SHANK2: variants seen among roughly 807,000 people sequenced by gnomAD.
The protein encoded by SHANK2 is SH3 and multiple ankyrin repeat domains 2.
Under a neutral mutation model 133.7 loss-of-function variants are expected in SHANK2, and 43 were observed. The observed-to-expected ratio is 0.32, with a 90% CI of 0.25 to 0.41. The LOEUF (loss-of-function observed/expected upper bound fraction) is 0.41. Ranked by LOEUF, SHANK2 falls within the 10% of genes least tolerant of loss-of-function variation. The pLI, the probability that SHANK2 is intolerant of heterozygous loss-of-function variation, is 1.00. For missense variants in SHANK2, 1,994 were observed against 2,235.8 expected (o/e 0.89, Z 2.18); for synonymous variants, 1,017 against 952.8 (o/e 1.07, Z -1.24).
At position 70,470,345 on chromosome 11, in the gene SHANK2, T is replaced by A. The variant is rs1402066464; in HGVS notation, c.*2524A>T. Reference sequence around the variant, plus strand: ...GGTTAGTGGCATGTGGCTTGGAGTATCTTTAAGAAAGGGAATAACATCTGG... The same window carrying A: ...GGTTAGTGGCATGTGGCTTGGAGTAACTTTAAGAAAGGGAATAACATCTGG... On this transcript the variant is annotated 3_prime_UTR_variant, in exon 26 of 26. Coordinates refer to ENST00000601538, the MANE Select transcript of SHANK2 (RefSeq NM_012309.5). 6.6e-6 allele frequency: 1 copy of A among 152,258 alleles called. No homozygotes were observed. The highest frequency in any genetic ancestry group is 1.9e-4 in the East Asian group (1 of 5,204). 9.4% of individuals were successfully genotyped at this position (152,258 alleles called of 1,614,324 possible).
chr11:71,141,829 C>T (rs1952559356), intron 3 of SHANK2, among the ~76,000 whole-genome samples: 1 of 151,996 alleles, frequency 6.6e-6, no homozygotes, highest in East Asian at 1.9e-4. Context: ...ATGCACTATG[C>T]GAACCAACAG....
chr11:70,917,337 G>A (rs1424339405), intron 10 of SHANK2, among the ~76,000 whole-genome samples: 1 of 152,100 alleles, frequency 6.6e-6, no homozygotes, highest in Non-Finnish European at 1.5e-5. Context: ...AGTCAGAATG[G>A]CTATTATTAA....
At chr11:71,078,990 T>C (rs1401992150) in intron 8 of SHANK2, among the ~76,000 whole-genome samples, 1 of 152,218 alleles carries the variant, frequency 6.6e-6, no homozygotes, top group Non-Finnish European at 1.5e-5. Context: ...AGAGCCCTCC[T>C]GGGCTAAGCC....
chr11:70,485,176 G>T lies in SHANK2; in HGVS notation c.4979+138C>A. On this transcript the variant is annotated intron_variant, in intron 25 of 25. Coordinates refer to ENST00000601538, the MANE Select transcript of SHANK2 (RefSeq NM_012309.5). The surrounding 1 kb of genome is among the most constrained non-coding windows in gnomAD (Gnocchi z 5.8). ...GAGCATGAGAAAAAGAAGTGTTACT[G>T]CATTAACAGACGTGGCCCACACAGG... The T allele has an allele frequency of 2.8e-6, 2 of 708,244 alleles. No individual in the cohort carries two copies. Among genetic ancestry groups the T allele is most frequent in the Non-Finnish European group, 5.0e-6 (2 of 402,140 alleles). The allele number at this position is 708,244 out of a possible 1,614,324, so 43.9% of individuals were successfully genotyped here.
intron 17 of SHANK2, among the ~76,000 whole-genome samples, chr11:70,608,658 T>C (rs1186989682): frequency 6.6e-6 from 1 of 152,194 alleles, no homozygotes; most frequent in African/African-American, 2.4e-5. Context: ...GGAGCGCTGC[T>C]TCCTCAGGGC....
chr11:70,564,489 A>G (rs1554981488), intron 17 of SHANK2, among the ~76,000 whole-genome samples: 1 of 151,856 alleles, frequency 6.6e-6, no homozygotes, highest in East Asian at 1.9e-4. Flanking sequence ...CGAACTCCTG[A>G]CCTCAACTGA....
intron 25 of SHANK2, chr11:70,474,326 A>G (rs1555149642): frequency 6.6e-6 from 1 of 152,252 alleles, no homozygotes; most frequent in African/African-American, 2.4e-5. Context: ...GGCGTCCCCG[A>G]GGGTCCCCTG....
chr11:70,650,659 A>T (rs2061329386), intron 17 of SHANK2, among the ~76,000 whole-genome samples: 1 of 152,082 alleles, frequency 6.6e-6, no homozygotes, highest in African/African-American at 2.4e-5. Flanking sequence ...CCCCAAATCC[A>T]CCTTGAACAT....
At chr11:70,758,830 G>A (rs531098222) in intron 14 of SHANK2, among the ~76,000 whole-genome samples, 1 of 152,166 alleles carries the variant, frequency 6.6e-6, no homozygotes, top group Admixed American at 6.5e-5. Context: ...CTAAGCCCCC[G>A]ACTGACTGGA....
intron 15 of SHANK2, among the ~76,000 whole-genome samples, chr11:70,679,337 C>T (rs942573034): frequency 6.6e-6 from 1 of 152,242 alleles, no homozygotes; most frequent in Non-Finnish European, 1.5e-5. Context: ...ATCCAACCCC[C>T]GAGGCCAACT....
At chr11:71,229,009 T>G (rs185168010) in intron 1 of SHANK2, among the ~76,000 whole-genome samples, 1 of 152,122 alleles carries the variant, frequency 6.6e-6, no homozygotes, top group African/African-American at 2.4e-5. Flanking sequence ...TATCAATCAA[T>G]GCAGAAAAAG....
At chr11:70,856,457 G>A (rs1401043465) in intron 11 of SHANK2, among the ~76,000 whole-genome samples, 1 of 151,456 alleles carries the variant, frequency 6.6e-6, no homozygotes, top group African/African-American at 2.4e-5. Flanking sequence ...TATTTGGATG[G>A]ATGAATGGGT....
chr11:70,859,909 C>T (rs1486733154), intron 11 of SHANK2, among the ~76,000 whole-genome samples: 1 of 152,156 alleles, frequency 6.6e-6, no homozygotes, highest in African/African-American at 2.4e-5. Context: ...AACCATGACC[C>T]GGGGTCCAGC....
chr11:70,851,730 A>G (rs1440262722), intron 11 of SHANK2, among the ~76,000 whole-genome samples: 2 of 152,206 alleles, frequency 1.3e-5, no homozygotes, highest in Admixed American at 6.5e-5. Context: ...TCTCACCATG[A>G]CTATTAGAGG....
At chr11:70,842,376 G>A (rs990490681) in intron 11 of SHANK2, among the ~76,000 whole-genome samples, 1 of 152,178 alleles carries the variant, frequency 6.6e-6, no homozygotes, top group Non-Finnish European at 1.5e-5. Flanking sequence ...AGGTGGTCAA[G>A]CTATGAGTCA....
intron 17 of SHANK2, among the ~76,000 whole-genome samples, chr11:70,653,929 CGGCCTTA>C (rs782667197): frequency 7.0e-4 from 107 of 152,328 alleles, no homozygotes; most frequent in Non-Finnish European, 1.1e-3. Flanking sequence ...CCACCACACC[CGGCCTTA>C]TGAGATACTC....
chr11:70,889,957 TG>T (rs1949814506), intron 11 of SHANK2, among the ~76,000 whole-genome samples: 1 of 152,128 alleles, frequency 6.6e-6, no homozygotes, highest in South Asian at 2.1e-4. Context: ...GCAACGTGTG[TG>T]GAAAAGCCTG....
intron 1 of SHANK2, among the ~76,000 whole-genome samples, chr11:71,251,310 GCGCTGCACCCCCA>G (rs1474405132): frequency 6.6e-6 from 1 of 152,170 alleles, no homozygotes; most frequent in Non-Finnish European, 1.5e-5. Context: ...GGAGGGCGCC[GCGCTGCACCCCCA>G]CGCCAAGCCC....
chr11:70,745,765 C>T (rs1220221318), intron 14 of SHANK2, among the ~76,000 whole-genome samples: 7 of 152,218 alleles, frequency 4.6e-5, no homozygotes, highest in Admixed American at 4.6e-4. Context: ...GTCCCTAGGT[C>T]ACCCGCCGCC....
Sources: allele counts gnomAD v4.1 joint callset (sites outside exome capture counted in the v4.1 genomes callset), GRCh38; gene constraint gnomAD v4.1.1; non-coding constraint Gnocchi (gnomAD v3.1); transcripts MANE v1.5; gene names NCBI Gene and HGNC (gene_info 2026-07-23, HGNC 2026-07-21).